Variants in HMCN1 observed in about 807,000 individuals in gnomAD.
The protein encoded by HMCN1 is hemicentin-1.
A neutral mutation model predicts 625.9 loss-of-function variants in HMCN1; 321 were observed. That is an observed-to-expected ratio of 0.51 (90% CI 0.47 to 0.56). The LOEUF is 0.56. HMCN1 is among the 20% of genes least tolerant of loss of function. The probability of loss-of-function intolerance (pLI) is 0.00; values close to 1 mark genes in which losing one functional copy is unlikely to be tolerated. For synonymous variants in HMCN1, 2,425 were observed against 2,417.6 expected, an observed-to-expected ratio of 1.00 and a Z score of -0.09; for missense variants, 6,588 against 6,887.3, an observed-to-expected ratio of 0.96 and a Z score of 1.54.
At chr1:185,787,718 T>C (rs907763716) in intron 1 of HMCN1, among the ~76,000 whole-genome samples, 3 of 152,228 alleles carry the variant, frequency 2.0e-5, no homozygotes, top group Non-Finnish European at 4.4e-5. Flanking sequence ...GAGCAAATGC[T>C]GGAAATGAGA....
rs892674351 is a variant in HMCN1, at chr1:185,734,558, C to T, written c.-222C>T. 3 of 569,506 alleles carry T rather than the reference C, an allele frequency of 5.3e-6. No homozygotes were observed. Among genetic ancestry groups the T allele is most frequent in the Non-Finnish European group, 9.4e-6 (3 of 319,886 alleles). 35.3% of individuals were successfully genotyped at this position (569,506 alleles called of 1,614,324 possible). A position where few individuals can be genotyped will look rare whatever the true frequency, so the allele number is the denominator to read the frequency against. On this transcript the variant is annotated 5_prime_UTR_variant, in exon 1 of 107. Coordinates refer to ENST00000271588, the MANE Select transcript of HMCN1 (RefSeq NM_031935.3). ...CAGATAGCAGTCCAGGAGGAAGCCG[C>T]ATCCAGACAAAAGCTGCCGCATCCC...
chr1:185,767,010 TTAAA>T (rs2102136742), intron 1 of HMCN1, among the ~76,000 whole-genome samples: 1 of 139,464 alleles, frequency 7.2e-6, no homozygotes, highest in South Asian at 2.3e-4. Context: ...AGAGAAATCA[TTAAA>T]AAAAAAAAAG....
intron 36 of HMCN1, among the ~76,000 whole-genome samples, chr1:186,036,621 G>A (rs546468847): frequency 2.1e-4 from 31 of 148,606 alleles, no homozygotes; most frequent in African/African-American, 6.2e-4. Flanking sequence ...GTGGAGTTTC[G>A]CTCTTGTTGC....
intron 6 of HMCN1, among the ~76,000 whole-genome samples, chr1:185,912,394 T>G (rs542071668): frequency 6.6e-6 from 1 of 152,302 alleles, no homozygotes; most frequent in East Asian, 1.9e-4. Context: ...AACGTGGTAT[T>G]TATATCCTAA....
intron 1 of HMCN1, among the ~76,000 whole-genome samples, chr1:185,754,977 G>A (rs1420968728): frequency 6.6e-6 from 1 of 152,142 alleles, no homozygotes; most frequent in Non-Finnish European, 1.5e-5. Flanking sequence ...TCTATCCTCA[G>A]TTTCTTCATG....
At position 186,007,257 on chromosome 1, in the gene HMCN1, C is replaced by G; in HGVS notation, c.4605C>G (p.Ala1535=). Residue 1535 remains alanine, a synonymous_variant, in exon 30 of 107, where the codon GCC becomes GCG. Coordinates refer to ENST00000271588, the MANE Select transcript of HMCN1 (RefSeq NM_031935.3). ...CTVSNAAGKQ[A]KDIKLTIYIP... ...TGTCTAATGCAGCTGGCAAACAAGC[C>G]AAGGATATAAAACTGACTATCTATA... 1 of 1,613,566 alleles carries G rather than the reference C, an allele frequency of 6.2e-7. No individual in the cohort carries two copies. Among genetic ancestry groups the G allele is most frequent in the Non-Finnish European group, 8.5e-7 (1 of 1,179,688 alleles).
At chr1:186,142,515 T>C (rs936951798) in intron 89 of HMCN1, among the ~76,000 whole-genome samples, 3 of 152,238 alleles carry the variant, frequency 2.0e-5, no homozygotes, top group Admixed American at 6.5e-5. Context: ...GCTCTGGGCA[T>C]ATACCCAATA....
intron 1 of HMCN1, among the ~76,000 whole-genome samples, chr1:185,762,604 G>A (rs2102125714): frequency 6.6e-6 from 1 of 152,234 alleles, no homozygotes; most frequent in East Asian, 1.9e-4. Context: ...ACCCATCTTA[G>A]TGATAAAGTC....
intron 22 of HMCN1, among the ~76,000 whole-genome samples, chr1:185,991,085 T>C (rs1477136442): frequency 6.6e-6 from 1 of 152,204 alleles, no homozygotes; most frequent in Non-Finnish European, 1.5e-5. Flanking sequence ...GAGAGAATTA[T>C]GTAAGATAAT....
intron 48 of HMCN1, 96 bp downstream of exon 48, chr1:186,062,696 G>C: frequency 1.3e-6 from 1 of 790,814 alleles, no homozygotes. Context: ...ATATTTAGGG[G>C]GTACAAGTGC....
intron 26 of HMCN1, 41 bp downstream of exon 26, chr1:186,000,280 C>A (rs781546089): frequency 3.5e-6 from 5 of 1,419,960 alleles, no homozygotes; most frequent in African/African-American, 2.8e-5. Flanking sequence ...GTTTGCCAGT[C>A]TCCAGTTCTT....
chr1:186,186,992 T>TCA (rs200279097), intron 105 of HMCN1, among the ~76,000 whole-genome samples: 2,137 of 95,426 alleles, frequency 0.022, 44 homozygotes, highest in African/African-American at 0.063. Context: ...TCTGTCTCTG[T>TCA]CTCACACACA....
chr1:185,975,223 T>C (rs1452211091), intron 15 of HMCN1, among the ~76,000 whole-genome samples: 1 of 152,170 alleles, frequency 6.6e-6, no homozygotes, highest in Non-Finnish European at 1.5e-5. Flanking sequence ...AGACTTCGTG[T>C]ATTCGTCCGT....
At position 186,077,319 on chromosome 1, in the gene HMCN1, A is replaced by G. The variant is rs149374787; in HGVS notation, c.8485+697A>G. Among the ~76,000 whole-genome samples, 567 of 152,304 alleles carry G rather than the reference A, an allele frequency of 3.7e-3. 4 individuals are homozygous for G. Among genetic ancestry groups the G allele is most frequent in the African/African-American group, 0.013 (540 of 41,582 alleles). On this transcript the variant is annotated intron_variant, in intron 54 of 106. Transcript: ENST00000271588. Reference sequence around the variant, plus strand: ...AGATCTGGGTTTGGGGAAAATGGCTATAAAAAACATTATTGCAACAATAAT... The same window carrying G: ...AGATCTGGGTTTGGGGAAAATGGCTGTAAAAAACATTATTGCAACAATAAT...
chr1:186,189,236 C>T (rs368874793), intron 106 of HMCN1, among the ~76,000 whole-genome samples: 1 of 152,116 alleles, frequency 6.6e-6, no homozygotes, highest in Non-Finnish European at 1.5e-5. Context: ...AAAGAAAATA[C>T]TCTTGTGGCA....
At chr1:185,786,914 T>C (rs1484520530) in intron 1 of HMCN1, among the ~76,000 whole-genome samples, 1 of 152,214 alleles carries the variant, frequency 6.6e-6, no homozygotes, top group African/African-American at 2.4e-5. Flanking sequence ...CCATGCTTGT[T>C]AAAAATTAAA....
chr1:186,139,026 T>A (rs141396768), intron 89 of HMCN1, among the ~76,000 whole-genome samples: 35 of 152,300 alleles, frequency 2.3e-4, no homozygotes, highest in Admixed American at 2.2e-3. Flanking sequence ...ACTCAGAGAC[T>A]TGAAATGATG....
At chr1:185,855,156 C>G (rs938215350) in intron 2 of HMCN1, among the ~76,000 whole-genome samples, 2 of 152,186 alleles carry the variant, frequency 1.3e-5, no homozygotes, top group African/African-American at 4.8e-5. Context: ...GTAAGACCTT[C>G]TTAGACCCTG....
At chr1:186,179,763 A>T (rs1652825376) in intron 104 of HMCN1, among the ~76,000 whole-genome samples, 1 of 151,414 alleles carries the variant, frequency 6.6e-6, no homozygotes, top group African/African-American at 2.4e-5. Context: ...TCTATCTTCA[A>T]TTTTTTTTGT....
Sources: allele counts gnomAD v4.1 joint callset (sites outside exome capture counted in the v4.1 genomes callset), GRCh38; gene constraint gnomAD v4.1.1; transcripts MANE v1.5; gene names NCBI Gene and HGNC (gene_info 2026-07-23, HGNC 2026-07-21).